The following PLCH1 variants were observed in gnomAD, a reference collection of about 807,000 sequenced individuals.
PLCH1 encodes the protein phospholipase C eta 1.
A neutral mutation model predicts 126.7 loss-of-function variants in PLCH1; 60 were observed. The ratio of observed to expected loss-of-function variants is 0.47; its 90% CI spans 0.38 to 0.59. The LOEUF (loss-of-function observed/expected upper bound fraction) is 0.59, where lower values mean the gene tolerates loss of function less well. Among genes scored for constraint, PLCH1 ranks in the 20% least tolerant of loss-of-function variants. PLCH1 has a pLI of 0.00. For synonymous variants in PLCH1, 719 were observed against 734.9 expected (o/e 0.98, Z 0.35); for missense variants, 1,723 against 2,040.0 (o/e 0.84, Z 2.99).
chr3:155,494,978 T>C (rs1468715259), intron 15 of PLCH1, among the ~76,000 whole-genome samples: 3 of 152,052 alleles, frequency 2.0e-5, no homozygotes, highest in African/African-American at 7.3e-5. Context: ...AAAACATGTA[T>C]TACTAGTAAC....
chr3:155,586,040 G>T (rs777680419), intron 5 of PLCH1, 25 bp downstream of exon 5: 1 of 1,608,498 alleles, frequency 6.2e-7, no homozygotes, highest in South Asian at 1.1e-5. Context: ...TTTTATATAA[G>T]GCCAGTGAAA....
At chr3:155,740,534 T>C (rs889808255) in intron 1 of PLCH1, among the ~76,000 whole-genome samples, 2 of 152,080 alleles carry the variant, frequency 1.3e-5, no homozygotes, top group Non-Finnish European at 2.9e-5. Flanking sequence ...CAGTTTCATA[T>C]AGTTGGAAAT....
At chr3:155,548,688 AG>A (rs902662635) in intron 10 of PLCH1, among the ~76,000 whole-genome samples, 1 of 152,250 alleles carries the variant, frequency 6.6e-6, no homozygotes, top group African/African-American at 2.4e-5. Flanking sequence ...TTACTATAAA[AG>A]TTTGCTTTAG....
At chr3:155,686,124 G>A (rs58024502) in intron 2 of PLCH1, among the ~76,000 whole-genome samples, 2,269 of 152,224 alleles carry the variant, frequency 0.015, 61 homozygotes, top group African/African-American at 0.052. Flanking sequence ...TCGTGTGTGC[G>A]TGCATGCATG....
At chr3:155,629,856 G>A (rs1420942721) in intron 2 of PLCH1, among the ~76,000 whole-genome samples, 1 of 152,102 alleles carries the variant, frequency 6.6e-6, no homozygotes, top group African/African-American at 2.4e-5. Flanking sequence ...CTTTGCACTC[G>A]CTGTACTCGC....
intron 21 of PLCH1, among the ~76,000 whole-genome samples, chr3:155,473,547 A>C (rs199505738): frequency 0.4 from 58,943 of 147,910 alleles, 15,271 homozygotes; most frequent in African/African-American, 0.75. Flanking sequence ...GCTACCAATG[A>C]CTTTCTTCAC....
chr3:155,675,946 C>T, intron 2 of PLCH1: 1 of 935,270 alleles, frequency 1.1e-6, no homozygotes, highest in Admixed American at 2.7e-5. Flanking sequence ...TGTTTACCAT[C>T]TTTTACTAGG....
Position 155,482,478 on chromosome 3 carries a change from T to G in PLCH1, c.3548A>C (p.Glu1183Ala). The change falls in exon 23 of 23, where the codon GAG (glutamate) becomes GCG (alanine). Residue 1183 changes from glutamate (E) to alanine (A), a missense_variant. Glu to Ala is a moderately radical substitution (Grantham distance 107). Coordinates refer to ENST00000460012, the MANE Select transcript of PLCH1 (RefSeq NM_014996.4). Reference sequence around the variant, plus strand: ...CAGGGCTGAGATGGAACTGCCCGGCTCATTCTCATTTGTTAAAGTGACATT... The same window carrying G: ...CAGGGCTGAGATGGAACTGCCCGGCGCATTCTCATTTGTTAAAGTGACATT... ...IDNVTLTNENEPGSSISALIG... is the reference protein window; with the variant it reads ...IDNVTLTNENAPGSSISALIG... The G allele has an allele frequency of 6.2e-7, 1 of 1,614,170 alleles. No individual in the cohort carries two copies. The highest frequency in any genetic ancestry group is 8.5e-7 in the Non-Finnish European group (1 of 1,180,020).
chr3:155,588,908 T>TTA (rs774613509), intron 4 of PLCH1, among the ~76,000 whole-genome samples: 98 of 152,206 alleles, frequency 6.4e-4, no homozygotes, highest in Admixed American at 1.6e-3. Flanking sequence ...ATTCCATAAA[T>TTA]GAAAAAACCA....
intron 2 of PLCH1, among the ~76,000 whole-genome samples, chr3:155,633,426 A>T (rs965807400): frequency 4.4e-4 from 34 of 76,754 alleles, no homozygotes; most frequent in African/African-American, 2.0e-3. Context: ...ACACACACAC[A>T]CACACACACA....
intron 8 of PLCH1, among the ~76,000 whole-genome samples, chr3:155,563,228 A>G (rs1275793585): frequency 1.3e-5 from 2 of 152,092 alleles, no homozygotes; most frequent in African/African-American, 4.8e-5. Flanking sequence ...CATGATTTTA[A>G]CTACCACATA....
chr3:155,726,816 C>T (rs1036964156), intron 1 of PLCH1, among the ~76,000 whole-genome samples: 3 of 151,500 alleles, frequency 2.0e-5, no homozygotes, highest in Non-Finnish European at 2.9e-5. Context: ...CTGCCTCAGC[C>T]TCCTGAGTAG....
rs1736225867 is a variant in PLCH1, at chr3:155,619,692, G to T, written c.80-23314C>A. Among the ~76,000 whole-genome samples the T allele has an allele frequency of 2.0e-5, 3 of 152,068 alleles. No individual in the cohort carries two copies. In the South Asian group the frequency reaches 6.2e-4, roughly 31 times the overall value. On this transcript the variant is annotated intron_variant, in intron 2 of 22. Transcript: ENST00000460012. ...CTCCCTACCCCCATCCAAAGCCTCT[G>T]TTGCCCTCAGGCCTAAAGAATCCAA...
rs1246475574 is a variant in PLCH1 at position 155,633,363 on chromosome 3, A to G, written c.80-36985T>C. Among the ~76,000 whole-genome samples the G allele has an allele frequency of 2.7e-5, 4 of 147,794 alleles. No individual in the cohort carries two copies. The South Asian group carries it at 8.6e-4, about 32-fold the overall frequency. ...GTTTTCTTCAAAAAAAAAAAAACCT[A>G]CTCTTTCCTGTTTCCTTCACTGTTT... On this transcript the variant is annotated intron_variant, in intron 2 of 22. Coordinates refer to ENST00000460012, the MANE Select transcript of PLCH1 (RefSeq NM_014996.4).
intron 2 of PLCH1, among the ~76,000 whole-genome samples, chr3:155,627,023 A>C (rs1176220346): frequency 6.6e-6 from 1 of 152,132 alleles, no homozygotes; most frequent in African/African-American, 2.4e-5. Flanking sequence ...ATGAGGAAGA[A>C]AATACCCTTA....
At chr3:155,738,917 A>G (rs1344421757) in intron 1 of PLCH1, among the ~76,000 whole-genome samples, 1 of 149,988 alleles carries the variant, frequency 6.7e-6, no homozygotes, top group East Asian at 2.0e-4. Context: ...TGCCAGTGAC[A>G]GAGGGAGACC....
At chr3:155,726,287 T>A (rs750076371) in intron 1 of PLCH1, among the ~76,000 whole-genome samples, 2 of 152,146 alleles carry the variant, frequency 1.3e-5, no homozygotes, top group Non-Finnish European at 2.9e-5. Context: ...ATTCTTTAGG[T>A]TTTTGTGCAT....
intron 6 of PLCH1, among the ~76,000 whole-genome samples, chr3:155,572,797 C>T (rs113959920): frequency 2.0e-5 from 3 of 152,114 alleles, no homozygotes; most frequent in East Asian, 1.9e-4. Context: ...ACAGTCATGG[C>T]GCACTGCAGC....
At chr3:155,677,889 A>T (rs1744215485) in intron 2 of PLCH1, among the ~76,000 whole-genome samples, 1 of 152,210 alleles carries the variant, frequency 6.6e-6, no homozygotes, top group South Asian at 2.1e-4. Flanking sequence ...ATACTCCCAG[A>T]TAATTTTATA....
Sources: allele counts gnomAD v4.1 joint callset (sites outside exome capture counted in the v4.1 genomes callset), GRCh38; gene constraint gnomAD v4.1.1; transcripts MANE v1.5; gene names NCBI Gene and HGNC (gene_info 2026-07-23, HGNC 2026-07-21).